Variants in ZFYVE26 observed in about 807,000 individuals in gnomAD.
ZFYVE26 encodes zinc finger FYVE domain-containing protein 26.
ZFYVE26 carries 181 observed loss-of-function variants against 276.5 expected under a neutral mutation model. That is an observed-to-expected ratio of 0.65 (90% confidence interval 0.58 to 0.74). The LOEUF is 0.74. ZFYVE26 is among the 30% of genes least tolerant of loss of function. The pLI is 0.00. For synonymous variants in ZFYVE26, 1,129 were observed against 1,203.1 expected (o/e 0.94, Z 1.27); for missense variants, 2,821 against 3,097.9 (o/e 0.91, Z 2.12).
At chr14:67,814,097 A>G in intron 2 of ZFYVE26, 33 bp from the exon 3 acceptor site, 1 of 1,551,970 alleles carries the variant, frequency 6.4e-7, no homozygotes, top group East Asian at 2.2e-5. Flanking sequence ...CTTGTAAAAA[A>G]GAGTTTCTAC....
At chr14:67,778,914 C>CAAA (rs2039423656) in intron 23 of ZFYVE26, among the ~76,000 whole-genome samples, 2 of 152,214 alleles carry the variant, frequency 1.3e-5, no homozygotes, top group East Asian at 3.8e-4. Flanking sequence ...ACAATCTGAG[C>CAAA]TTACTTCTGT....
At chr14:67,762,536 T>C in intron 33 of ZFYVE26, 124 bp from the exon 34 acceptor site, 2 of 1,544,530 alleles carry the variant, frequency 1.3e-6, no homozygotes, top group Non-Finnish European at 1.8e-6. Flanking sequence ...ACTTCTCTGC[T>C]GGCAAACTAG....
Position 67,748,421 on chromosome 14 carries a change from C to A in ZFYVE26, c.*15G>T. 1 of 1,610,988 alleles carries A rather than the reference C, an allele frequency of 6.2e-7. No homozygotes were observed. Among genetic ancestry groups the A allele is most frequent in the Non-Finnish European group, 8.5e-7 (1 of 1,179,638 alleles). ...CAGCTCTCAGGCCACGTGTTCCTGG[C>A]CCCACTGCCCAAGGTCACTTCCTGG... On this transcript the variant is annotated 3_prime_UTR_variant, in exon 42 of 42. Coordinates refer to ENST00000347230, the MANE Select transcript of ZFYVE26 (RefSeq NM_015346.4).
At chr14:67,777,461 C>T in intron 25 of ZFYVE26, 98 bp downstream of exon 25, 1 of 1,589,376 alleles carries the variant, frequency 6.3e-7, no homozygotes, top group Non-Finnish European at 8.6e-7. Context: ...AAGAGCTAGG[C>T]TCGCAGTCTC....
At chr14:67,766,166 G>T (rs2039051504) in intron 32 of ZFYVE26, 61 bp downstream of exon 32, 2 of 1,546,210 alleles carry the variant, frequency 1.3e-6, no homozygotes, top group East Asian at 2.2e-5. Context: ...AGTGGGGTCA[G>T]AAAAAGAAGC....
chr14:67,773,551 GCGCA>G lies in ZFYVE26; in HGVS notation c.5321-1345_5321-1342del, dbSNP rs1240304150. On this transcript the variant is annotated intron_variant, in intron 27 of 41. Coordinates refer to ENST00000347230, the MANE Select transcript of ZFYVE26 (RefSeq NM_015346.4). ...CCTGTCTCCAAAAAAAAAAAAAAAGGCGCACACACACACACACACACCCCAAAGC... is the reference window on the plus strand; with the variant it reads ...CCTGTCTCCAAAAAAAAAAAAAAAGGCACACACACACACACACCCCAAAGC... Among the ~76,000 whole-genome samples, 99 of 125,884 alleles carry G rather than the reference GCGCA, an allele frequency of 7.9e-4. 1 individual carries two copies. Among genetic ancestry groups the G allele is most frequent in the Middle Eastern group, 4.4e-3 (1 of 226 alleles). 82.6% of individuals were successfully genotyped at this position (125,884 alleles called of 152,430 possible).
Position 67,772,212 on chromosome 14 carries a change from T to C in ZFYVE26, c.5321-2A>G, listed in dbSNP as rs1555395560. ...TAGGGGAATGTATACTGGAGATACC[T>C]GGGAGGCAGAGCCAGAGGTCAGAGT... On this transcript the variant is annotated splice_acceptor_variant, in intron 27 of 41. Coordinates refer to ENST00000347230, the MANE Select transcript of ZFYVE26 (RefSeq NM_015346.4). LOFTEE classifies it high-confidence loss of function. The C allele has an allele frequency of 1.2e-6, 2 of 1,612,612 alleles. No individual in the cohort carries two copies. The highest frequency in any genetic ancestry group is 1.7e-6 in the Non-Finnish European group (2 of 1,179,502).
intron 27 of ZFYVE26, among the ~76,000 whole-genome samples, chr14:67,773,856 C>T (rs1019178297): frequency 1.3e-5 from 2 of 152,168 alleles, no homozygotes; most frequent in African/African-American, 4.8e-5. Flanking sequence ...TAGAATCCTG[C>T]TCCTTTGACC....
intron 6 of ZFYVE26, 73 bp downstream of exon 6, chr14:67,806,472 G>A (rs888927002): frequency 4.8e-5 from 76 of 1,592,074 alleles, no homozygotes; most frequent in Non-Finnish European, 6.1e-5. Context: ...ATGAGTGGGA[G>A]AGAAATGAGG....
intron 20 of ZFYVE26, among the ~76,000 whole-genome samples, chr14:67,783,881 T>G (rs930322393): frequency 6.6e-6 from 1 of 152,248 alleles, no homozygotes; most frequent in African/African-American, 2.4e-5. Flanking sequence ...ATTTTGCATA[T>G]AAATCATTTA....
At chr14:67,805,098 T>G (rs903381343) in intron 8 of ZFYVE26, 119 bp downstream of exon 8, 1 of 911,034 alleles carries the variant, frequency 1.1e-6, no homozygotes, top group African/African-American at 1.7e-5. Context: ...TTTTAGTAGC[T>G]GGTCAACATT....
intron 19 of ZFYVE26, 32 bp from the exon 20 acceptor site, chr14:67,784,468 C>T (rs1183214111): frequency 1.3e-6 from 2 of 1,585,220 alleles, no homozygotes; most frequent in Non-Finnish European, 1.7e-6. Context: ...TCTTTGTTTG[C>T]ACCACTGACT....
At position 67,748,125 on chromosome 14, in the gene ZFYVE26, T is replaced by A; in HGVS notation, c.*311A>T. On this transcript the variant is annotated 3_prime_UTR_variant, in exon 42 of 42. Coordinates refer to ENST00000347230, the MANE Select transcript of ZFYVE26 (RefSeq NM_015346.4). ...AGAGTTTCATTTGTTCAGAAATGCT[T>A]GGGCGTAAACATCAGCGCACAGGAA... 2.6e-6 allele frequency: 1 copy of A among 388,474 alleles called. No individual in the cohort carries two copies. Among genetic ancestry groups the A allele is most frequent in the Non-Finnish European group, 4.7e-6 (1 of 211,258 alleles). 24.1% of individuals were successfully genotyped at this position (388,474 alleles called of 1,614,324 possible).
intron 16 of ZFYVE26, 72 bp downstream of exon 16, chr14:67,789,263 A>T: frequency 6.2e-7 from 1 of 1,604,386 alleles, no homozygotes; most frequent in Non-Finnish European, 8.5e-7. Context: ...TTCTTCCTGG[A>T]CAATTTATCA....
intron 34 of ZFYVE26, 22 bp from the exon 35 acceptor site, chr14:67,761,606 G>C (rs374893068): frequency 7.2e-5 from 115 of 1,607,748 alleles, no homozygotes; most frequent in Middle Eastern, 1.6e-4. Flanking sequence ...GGGAGCGAGA[G>C]AGAAAAATGA....
chr14:67,792,358 T>C (rs960950930), intron 14 of ZFYVE26, among the ~76,000 whole-genome samples: 1 of 152,234 alleles, frequency 6.6e-6, no homozygotes, highest in Admixed American at 6.5e-5. Flanking sequence ...TTTTATGTTA[T>C]TAAGTTTAAT....
At chr14:67,785,355 T>A in intron 18 of ZFYVE26, 78 bp from the exon 19 acceptor site, 2 of 1,317,986 alleles carry the variant, frequency 1.5e-6, no homozygotes, top group South Asian at 1.3e-5. Flanking sequence ...TGACTGGATA[T>A]GTGAACTGTG....
chr14:67,786,270 A>C (rs1410816839), intron 16 of ZFYVE26, 37 bp from the exon 17 acceptor site: 1 of 1,592,890 alleles, frequency 6.3e-7, no homozygotes, highest in Non-Finnish European at 8.5e-7. Context: ...TGCAAAAAAA[A>C]AAAATTGAAG....
chr14:67,732,870 C>T (rs1199728069), intron 13 of ZFYVE26, among the ~76,000 whole-genome samples: 2 of 152,206 alleles, frequency 1.3e-5, no homozygotes, highest in South Asian at 2.1e-4. Context: ...TGTGAGCCAC[C>T]GTGCCCAGCC....
Sources: allele counts gnomAD v4.1 joint callset (sites outside exome capture counted in the v4.1 genomes callset), GRCh38; gene constraint gnomAD v4.1.1; transcripts MANE v1.5; gene names NCBI Gene and HGNC (gene_info 2026-07-23, HGNC 2026-07-21).